WIPI2: variants seen among roughly 807,000 people sequenced by gnomAD.
WIPI2 encodes the protein WD repeat domain phosphoinositide-interacting protein 2.
A neutral mutation model predicts 52.3 loss-of-function variants in WIPI2; 28 were observed. That is an observed-to-expected ratio of 0.54 (90% CI 0.40 to 0.73). WIPI2 has a LOEUF of 0.73. Among genes scored for constraint, WIPI2 ranks in the 30% least tolerant of loss-of-function variants. The pLI is 0.00. For missense variants in WIPI2, 506 were observed against 602.9 expected, an observed-to-expected ratio of 0.84 and a Z score of 1.68; for synonymous variants, 268 against 245.0, an observed-to-expected ratio of 1.09 and a Z score of -0.88.
chr7:5,227,422 C>T lies in WIPI2; in HGVS notation c.1013+78C>T. 1.9e-6 allele frequency: 3 copies of T among 1,544,380 alleles called. No homozygotes were observed. The highest frequency in any genetic ancestry group is 2.6e-6 in the Non-Finnish European group (3 of 1,149,370). On this transcript the variant is annotated intron_variant, in intron 10 of 12. Coordinates refer to ENST00000288828, the MANE Select transcript of WIPI2 (RefSeq NM_015610.4). This position sits in a 1 kb window ranked among gnomAD's most constrained non-coding sequence, Gnocchi z 8.1. ...GCCCAGTCCTGGCGGCTTGTGGCCC[C>T]TTCCGTGCTTCTGAACAGGAGCAGC... is the stretch of plus-strand genomic sequence containing the variant.
chr7:5,229,875 T>C, intron 12 of WIPI2, 137 bp downstream of exon 12: 1 of 1,270,386 alleles, frequency 7.9e-7, no homozygotes, highest in Non-Finnish European at 1.1e-6. Flanking sequence ...ATAAGCGAGG[T>C]TGGTAAATGG....
At chr7:5,193,353 A>G in intron 2 of WIPI2, 182 bp downstream of exon 2, 2 of 1,404,648 alleles carry the variant, frequency 1.4e-6, no homozygotes, top group Non-Finnish European at 1.9e-6. Context: ...GAAGTTAGTG[A>G]TGTAGCAATG....
At chr7:5,222,737 C>A in intron 8 of WIPI2, 65 bp downstream of exon 8, 1 of 1,485,168 alleles carries the variant, frequency 6.7e-7, no homozygotes, top group Non-Finnish European at 9.4e-7. Flanking sequence ...TTTATGTTAT[C>A]TATGAACAAA....
chr7:5,214,681 C>A lies in WIPI2; in HGVS notation c.358C>A (p.Leu120Met). The change falls in exon 4 of 13, where the codon CTG becomes ATG. Residue 120 changes from leucine to methionine, a missense_variant. By Grantham distance (15) the Leu-to-Met change is conservative. Transcript: ENST00000288828. ...ICNYSYSNTILAVKLNRQRLI... is the reference protein window; with the variant it reads ...ICNYSYSNTIMAVKLNRQRLI... ...CAACTACAGCTACTCCAACACGATT[C>A]TGGCTGTGAAGCTCAACAGGCAGGT... 6.2e-7 allele frequency: 1 copy of A among 1,614,192 alleles called. No individual in the cohort carries two copies. Among genetic ancestry groups the A allele is most frequent in the Non-Finnish European group, 8.5e-7 (1 of 1,180,046 alleles).
intron 2 of WIPI2, among the ~76,000 whole-genome samples, chr7:5,197,121 A>AAAC (rs1781786276): frequency 7.0e-6 from 1 of 143,510 alleles, no homozygotes; most frequent in African/African-American, 2.7e-5. Context: ...CAAAAAACAA[A>AAAC]AAAAAAAAAA....
At position 5,196,081 on chromosome 7, in the gene WIPI2, T is replaced by C. The variant is rs1208615187; in HGVS notation, c.128+2910T>C. On this transcript the variant is annotated intron_variant, in intron 2 of 12. Coordinates refer to ENST00000288828, the MANE Select transcript of WIPI2 (RefSeq NM_015610.4). Reference sequence around the variant, plus strand: ...TTTGCTGGGCGTGGTGGCTTACACCTGTAATCCCAGCACTTTGGGAGGCTG... The same window carrying C: ...TTTGCTGGGCGTGGTGGCTTACACCCGTAATCCCAGCACTTTGGGAGGCTG... Among the ~76,000 whole-genome samples the C allele has an allele frequency of 4.6e-5, 7 of 151,620 alleles. No individual in the cohort carries two copies. The East Asian group carries it at 1.4e-3, about 29-fold the overall frequency.
intron 3 of WIPI2, among the ~76,000 whole-genome samples, chr7:5,205,492 A>G (rs1268470395): frequency 6.6e-6 from 1 of 152,152 alleles, no homozygotes; most frequent in Non-Finnish European, 1.5e-5. Context: ...TTATCCACGG[A>G]CACCTGGTCT....
chr7:5,196,811 TTA>T (rs988785293), intron 2 of WIPI2, among the ~76,000 whole-genome samples: 50 of 151,934 alleles, frequency 3.3e-4, no homozygotes, highest in African/African-American at 1.2e-3. Context: ...AAAAATATTT[TTA>T]TAAACTCAGT....
rs533090530 is a variant in WIPI2 at position 5,215,440 on chromosome 7, G to C, written c.381+736G>C. On this transcript the variant is annotated intron_variant, in intron 4 of 12. Coordinates refer to ENST00000288828, the MANE Select transcript of WIPI2 (RefSeq NM_015610.4). ...ACTGTCTGGCACAGAGGAAGGACGT[G>C]GTGGGTGGCATGTGTGCGTGTTTCA... Among the ~76,000 whole-genome samples the C allele has an allele frequency of 3.3e-5, 5 of 152,398 alleles. No individual in the cohort carries two copies. In the South Asian group the frequency reaches 6.2e-4, roughly 19 times the overall value.
intron 7 of WIPI2, among the ~76,000 whole-genome samples, chr7:5,222,268 G>C (rs1022892400): frequency 1.3e-5 from 2 of 152,182 alleles, no homozygotes; most frequent in Non-Finnish European, 2.9e-5. Flanking sequence ...ATTTTTAATA[G>C]TTTAAACTTC....
intron 4 of WIPI2, 84 bp from the exon 5 acceptor site, chr7:5,216,479 T>C (rs1782818801): frequency 1.9e-6 from 2 of 1,062,438 alleles, no homozygotes; most frequent in Non-Finnish European, 2.9e-6. Context: ...AGCGTCATAG[T>C]CCAGGAGTCA....
intron 3 of WIPI2, among the ~76,000 whole-genome samples, chr7:5,204,173 A>G (rs1748357357): frequency 1.3e-5 from 2 of 152,272 alleles, no homozygotes; most frequent in African/African-American, 4.8e-5. Context: ...TATATGTTTG[A>G]AAGTTCATCT....
chr7:5,226,938 C>T (rs1295759500), intron 9 of WIPI2: 2 of 525,678 alleles, frequency 3.8e-6, no homozygotes, highest in East Asian at 3.3e-5. Context: ...ACGTCTTGTC[C>T]GTGGCCAAAG....
rs577044963 is a variant in WIPI2, at chr7:5,230,341, A to G, written c.1253-494A>G. ...CCGGCGGCAGCACTAAGACCCATGC[A>G]TGAGATCCTCCAGCCACAGCCTTGG... On this transcript the variant is annotated intron_variant, in intron 12 of 12. Transcript: ENST00000288828. The surrounding 1 kb of genome is among the most constrained non-coding windows in gnomAD (Gnocchi z 4.8). Among the ~76,000 whole-genome samples, 1 of 152,220 alleles carries G rather than the reference A, an allele frequency of 6.6e-6. No homozygotes were observed. Among genetic ancestry groups the G allele is most frequent in the Non-Finnish European group, 1.5e-5 (1 of 68,042 alleles).
chr7:5,228,479 G>A (rs1211706883), intron 11 of WIPI2, among the ~76,000 whole-genome samples: 2 of 152,190 alleles, frequency 1.3e-5, no homozygotes, highest in African/African-American at 2.4e-5. Context: ...GGCGGGAGCC[G>A]CATTTGTTCT....
intron 2 of WIPI2, among the ~76,000 whole-genome samples, chr7:5,195,180 T>G (rs1583536984): frequency 6.6e-6 from 1 of 152,184 alleles, no homozygotes; most frequent in African/African-American, 2.4e-5. Flanking sequence ...TTTTCCCCTT[T>G]GTCAATGAAA....
rs1045797424 is a variant in WIPI2, at chr7:5,190,610, G to A, written c.74+117G>A. 6 of 1,017,874 alleles carry A rather than the reference G, an allele frequency of 5.9e-6. No homozygotes were observed. The African/African-American group carries it at 1.0e-4, about 17-fold the overall frequency. 63.1% of individuals were successfully genotyped at this position (1,017,874 alleles called of 1,614,324 possible). A position where few individuals can be genotyped will look rare whatever the true frequency, so the allele number is the denominator to read the frequency against. Reference sequence around the variant, plus strand: ...CAGGCTCGGCCTCCCCGCGGGCCAAGGCGCGCAGAGGCGTCCCCAGGGGCG... The same window carrying A: ...CAGGCTCGGCCTCCCCGCGGGCCAAAGCGCGCAGAGGCGTCCCCAGGGGCG... On this transcript the variant is annotated intron_variant, in intron 1 of 12. Transcript: ENST00000288828.
In WIPI2 at chr7:5,229,652, C is replaced by T; in HGVS notation, c.1166C>T (p.Ala389Val). The T allele has an allele frequency of 2.5e-6, 4 of 1,613,942 alleles. No individual in the cohort carries two copies. Among genetic ancestry groups the T allele is most frequent in the Non-Finnish European group, 3.4e-6 (4 of 1,179,912 alleles). The change falls in exon 12 of 13, where the codon GCC becomes GTC. Residue 389 changes from alanine (A) to valine (V), a missense_variant. By Grantham distance (64) the Ala-to-Val change is moderately conservative. Transcript: ENST00000288828. ...ACGACCAATGAGATCTTGGACTCTG[C>T]CTCTCACGACTGCCCCTTAGTCACT... ...LETTNEILDS[A>V]SHDCPLVTQT... is the part of the protein sequence containing the mutation.
chr7:5,225,723 C>T (rs958589525), intron 8 of WIPI2, 100 bp from the exon 9 acceptor site: 2 of 766,132 alleles, frequency 2.6e-6, no homozygotes, highest in South Asian at 3.2e-5. Flanking sequence ...CCAGCAGGCC[C>T]AAGTGTGCCC....
Sources: gnomAD v4.1 joint callset for allele counts (sites outside exome capture counted in the v4.1 genomes callset) on GRCh38, gnomAD v4.1.1 for gene constraint, Gnocchi (gnomAD v3.1) non-coding constraint, MANE v1.5 for transcripts, NCBI Gene and HGNC (gene_info 2026-07-23, HGNC 2026-07-21) for gene names.